Variants in MKLN1 observed in about 807,000 individuals in gnomAD.
MKLN1 encodes muskelin 1.
In MKLN1, 18 loss-of-function variants were observed where a neutral mutation model predicts 99.0. That is an observed-to-expected ratio of 0.18 (90% CI 0.13 to 0.27). MKLN1 has a LOEUF of 0.27. Among genes scored for constraint, MKLN1 ranks in the 10% least tolerant of loss-of-function variants. MKLN1 has a pLI of 1.00. For synonymous variants in MKLN1, 288 were observed against 293.2 expected, an observed-to-expected ratio of 0.98 and a Z score of 0.18; for missense variants, 621 against 875.9, an observed-to-expected ratio of 0.71 and a Z score of 3.67.
At chr7:131,216,286 G>C (rs1466469492) in intron 3 of MKLN1, among the ~76,000 whole-genome samples, 1 of 151,742 alleles carries the variant, frequency 6.6e-6, no homozygotes, top group Non-Finnish European at 1.5e-5. Context: ...AGGAGTGCGT[G>C]GTGGCGCACT....
intron 5 of MKLN1, among the ~76,000 whole-genome samples, chr7:131,398,701 A>G (rs1261784436): frequency 6.6e-6 from 1 of 150,428 alleles, no homozygotes; most frequent in African/African-American, 2.4e-5. Flanking sequence ...AAAAAAAGAA[A>G]GAAAAAAAAA....
In MKLN1 at chr7:131,183,671, G is replaced by A. The variant is rs78480715; in HGVS notation, c.-296-19186G>A. On this transcript the variant is annotated intron_variant, in intron 2 of 7. Transcript: ENST00000416992. ...CAATGGCCTGAAAAATGTATGTGCA[G>A]GTGCCTGAGAATAGTGGTCAACTCA... Among the ~76,000 whole-genome samples, 2,201 of 152,258 alleles carry A rather than the reference G, an allele frequency of 0.014. 104 individuals are homozygous for A. In the East Asian group the frequency reaches 0.16, roughly 11 times the overall value.
intron 2 of MKLN1, among the ~76,000 whole-genome samples, chr7:131,385,210 G>A (rs957445620): frequency 6.6e-6 from 1 of 152,094 alleles, no homozygotes; most frequent in Admixed American, 6.5e-5. Context: ...TTCATATGGC[G>A]GAATACTACA....
intron 3 of MKLN1, among the ~76,000 whole-genome samples, chr7:131,224,653 G>T (rs183358899): frequency 3.6e-4 from 55 of 151,504 alleles, no homozygotes; most frequent in Admixed American, 1.4e-3. Context: ...GACGCCAGAG[G>T]ATTACTTGAA....
intron 1 of MKLN1, among the ~76,000 whole-genome samples, chr7:131,354,563 C>T (rs952067745): frequency 4.0e-5 from 6 of 151,640 alleles, no homozygotes; most frequent in Non-Finnish European, 8.8e-5. Flanking sequence ...CAAATTATGT[C>T]ATCTGAAAAT....
intron 4 of MKLN1, among the ~76,000 whole-genome samples, chr7:131,389,680 G>A (rs1458074377): frequency 2.0e-5 from 3 of 151,768 alleles, no homozygotes; most frequent in Admixed American, 6.6e-5. Context: ...GGGAAATTGA[G>A]CAATTAAATC....
intron 1 of MKLN1, among the ~76,000 whole-genome samples, chr7:131,334,670 T>A (rs1225778058): frequency 6.6e-6 from 1 of 152,186 alleles, no homozygotes; most frequent in Non-Finnish European, 1.5e-5. Flanking sequence ...AATAAATGAT[T>A]TTTGGCCTGA....
chr7:131,259,972 G>T (rs907352310), intron 3 of MKLN1, among the ~76,000 whole-genome samples: 3 of 152,060 alleles, frequency 2.0e-5, no homozygotes, highest in Non-Finnish European at 4.4e-5. Context: ...CTGCCCAAAA[G>T]CTCCTAGATC....
chr7:131,300,706 A>ACC, intron 3 of MKLN1, among the ~76,000 whole-genome samples: 1 of 114,436 alleles, frequency 8.7e-6, no homozygotes. Context: ...AAAAACAACC[A>ACC]AAAAGAAAAA....
intron 11 of MKLN1, among the ~76,000 whole-genome samples, chr7:131,443,912 T>C (rs771365997): frequency 1.4e-4 from 21 of 152,198 alleles, no homozygotes; most frequent in Non-Finnish European, 2.6e-4. Context: ...GCTACCAACC[T>C]GGGCAATCTT....
chr7:131,468,274 T>C (rs1251639553), intron 15 of MKLN1, among the ~76,000 whole-genome samples: 2 of 152,152 alleles, frequency 1.3e-5, no homozygotes, highest in East Asian at 3.9e-4. Flanking sequence ...TTTTAGACCT[T>C]TTTCTCTACC....
At chr7:131,375,925 G>A (rs1351311982) in intron 2 of MKLN1, among the ~76,000 whole-genome samples, 1 of 149,998 alleles carries the variant, frequency 6.7e-6, no homozygotes, top group Non-Finnish European at 1.5e-5. Context: ...TAGTGTCTGG[G>A]GTTGACTGAA....
At position 131,486,892 on chromosome 7, in the gene MKLN1, A is replaced by T. The variant is rs539403286; in HGVS notation, c.2087-715A>T. 5.9e-5 allele frequency among the ~76,000 whole-genome samples: 9 copies of T among 152,282 alleles called. No individual in the cohort carries two copies. The East Asian group carries it at 1.7e-3, about 29-fold the overall frequency. ...TTTAGATTAACAGTCCCTACCTTTT[A>T]AAAATGTCATATGCTTTCTAATGTG... On this transcript the variant is annotated intron_variant, in intron 17 of 17. Transcript: ENST00000352689.
intron 1 of MKLN1, among the ~76,000 whole-genome samples, chr7:131,126,151 T>C (rs1256279316): frequency 6.6e-6 from 1 of 152,100 alleles, no homozygotes; most frequent in East Asian, 1.9e-4. Context: ...GAAGGACATG[T>C]ACAAAAGGCA....
intron 17 of MKLN1, among the ~76,000 whole-genome samples, chr7:131,486,549 TG>T (rs1427908157): frequency 6.6e-6 from 1 of 152,136 alleles, no homozygotes; most frequent in Non-Finnish European, 1.5e-5. Context: ...TAAAACAGGT[TG>T]GACCTAAAAT....
chr7:131,392,716 C>A (rs1794235130), intron 4 of MKLN1, among the ~76,000 whole-genome samples: 1 of 151,874 alleles, frequency 6.6e-6, no homozygotes, highest in Non-Finnish European at 1.5e-5. Context: ...AGCGATTCTC[C>A]TGCCTCAGCC....
chr7:131,122,381 A>G (rs1356535024), intron 1 of MKLN1, among the ~76,000 whole-genome samples: 1 of 152,194 alleles, frequency 6.6e-6, no homozygotes, highest in East Asian at 1.9e-4. Flanking sequence ...CTCCCACAGA[A>G]CCATATTGTT....
At chr7:131,171,472 T>G (rs1340893670) in intron 2 of MKLN1, among the ~76,000 whole-genome samples, 3 of 152,160 alleles carry the variant, frequency 2.0e-5, no homozygotes, top group Admixed American at 6.5e-5. Flanking sequence ...TTCTTTTTTT[T>G]TTGGGATCGT....
intron 1 of MKLN1, among the ~76,000 whole-genome samples, chr7:131,130,057 T>G (rs904567321): frequency 2.6e-5 from 4 of 152,196 alleles, no homozygotes; most frequent in African/African-American, 9.6e-5. Context: ...AAAGAAGAAA[T>G]TTAAGATGAA....
Sources: allele counts gnomAD v4.1 joint callset (sites outside exome capture counted in the v4.1 genomes callset), GRCh38; gene constraint gnomAD v4.1.1; transcripts MANE v1.5; gene names NCBI Gene and HGNC (gene_info 2026-07-23, HGNC 2026-07-21).